Variants in CYRIB observed in about 807,000 individuals in gnomAD.
The protein encoded by CYRIB is CYFIP-related Rac1 interactor B.
Under a neutral mutation model 44.2 loss-of-function variants are expected in CYRIB, and 8 were observed. The observed-to-expected ratio is 0.18, with a 90% CI of 0.11 to 0.33. The LOEUF is 0.33. Among genes scored for constraint, CYRIB ranks in the 10% least tolerant of loss-of-function variants. CYRIB has a pLI of 1.00. For missense variants in CYRIB, 185 were observed against 382.8 expected (o/e 0.48, Z 4.31); for synonymous variants, 131 against 127.2 (o/e 1.03, Z -0.20).
At chr8:129,883,561 A>G (rs1018459863) in intron 2 of CYRIB, among the ~76,000 whole-genome samples, 2 of 152,206 alleles carry the variant, frequency 1.3e-5, no homozygotes, top group Non-Finnish European at 2.9e-5. Flanking sequence ...ACAAAAAATT[A>G]AAACCATAAC....
intron 1 of CYRIB, among the ~76,000 whole-genome samples, chr8:129,906,438 T>C (rs181714729): frequency 0.017 from 2,580 of 152,274 alleles, 65 homozygotes; most frequent in African/African-American, 0.054. Flanking sequence ...TTACACCTTA[T>C]ACAAAAATTA....
chr8:129,874,073 A>AT (rs1313957980), intron 3 of CYRIB, among the ~76,000 whole-genome samples: 1 of 151,910 alleles, frequency 6.6e-6, no homozygotes, highest in African/African-American at 2.4e-5. Flanking sequence ...TTTTTATTTT[A>AT]TTTTTTTCAA....
upstream of CYRIB, among the ~76,000 whole-genome samples, chr8:129,943,895 C>G (rs891959259): frequency 2.8e-5 from 4 of 143,394 alleles, no homozygotes; most frequent in African/African-American, 1.1e-4. Context: ...CACCGCGCCC[C>G]GCCGAGACTC....
At chr8:129,904,258 T>C (rs1459052518) in intron 1 of CYRIB, among the ~76,000 whole-genome samples, 1 of 152,200 alleles carries the variant, frequency 6.6e-6, no homozygotes, top group Non-Finnish European at 1.5e-5. Flanking sequence ...GTTCACTTTC[T>C]GCTCTGGGGC....
intron 1 of CYRIB, among the ~76,000 whole-genome samples, chr8:129,972,219 G>A (rs1275772367): frequency 2.0e-5 from 3 of 152,128 alleles, no homozygotes; most frequent in Admixed American, 6.6e-5. Context: ...TCTTTCTGTC[G>A]TTCTTCTTGC....
intron 1 of CYRIB, among the ~76,000 whole-genome samples, chr8:129,929,953 G>A (rs1222493295): frequency 6.6e-6 from 1 of 152,038 alleles, no homozygotes; most frequent in African/African-American, 2.4e-5. Flanking sequence ...TGGCTCATGC[G>A]TGCAATCCCA....
intron 2 of CYRIB, among the ~76,000 whole-genome samples, chr8:129,894,912 AAT>A (rs67382851): frequency 9.4e-5 from 14 of 148,220 alleles, no homozygotes; most frequent in Non-Finnish European, 1.0e-4. Flanking sequence ...GAGTGTTAGA[AAT>A]ATATATATAT....
chr8:130,015,739 G>A (rs2097327885), intron 1 of CYRIB, among the ~76,000 whole-genome samples: 1 of 152,214 alleles, frequency 6.6e-6, no homozygotes, highest in African/African-American at 2.4e-5. Flanking sequence ...GGCTGCAAGG[G>A]CACCCACCCG....
At chr8:129,903,262 T>C (rs576432614) in intron 2 of CYRIB, 50 bp downstream of exon 4, 1 of 152,754 alleles carries the variant, frequency 6.5e-6, no homozygotes, top group African/African-American at 2.4e-5. Context: ...ATTGAAATCA[T>C]AACTTTTCAT....
intron 2 of CYRIB, among the ~76,000 whole-genome samples, chr8:129,969,377 T>C (rs1412263083): frequency 1.3e-5 from 2 of 152,190 alleles, no homozygotes; most frequent in South Asian, 2.1e-4. Context: ...AAAATTCTTA[T>C]ATTTCCATCA....
intron 2 of CYRIB, among the ~76,000 whole-genome samples, chr8:129,957,836 G>T (rs2094948736): frequency 6.6e-6 from 1 of 151,806 alleles, no homozygotes; most frequent in South Asian, 2.1e-4. Flanking sequence ...ATAGTGGCGG[G>T]TGCCTATAGT....
intron 1 of CYRIB, among the ~76,000 whole-genome samples, chr8:130,005,231 G>A (rs928256478): frequency 1.1e-4 from 17 of 152,034 alleles, no homozygotes; most frequent in Non-Finnish European, 2.9e-5. Flanking sequence ...TTAGGTCTTG[G>A]GGGCACGTGT....
At chr8:129,964,735 T>C (rs1438487014) in intron 2 of CYRIB, among the ~76,000 whole-genome samples, 1 of 151,954 alleles carries the variant, frequency 6.6e-6, no homozygotes, top group African/African-American at 2.4e-5. Context: ...ATGAAAAAAG[T>C]GAGCCAGGCG....
intron 7 of CYRIB, among the ~76,000 whole-genome samples, 166 bp from the exon 10 acceptor site, chr8:129,852,444 A>G (rs1414593012): frequency 4.6e-5 from 7 of 152,236 alleles, no homozygotes. Context: ...TTTTAAAAAA[A>G]GATTAACCTC....
chr8:129,986,069 C>T (rs1057369735), intron 1 of CYRIB, among the ~76,000 whole-genome samples: 1 of 152,168 alleles, frequency 6.6e-6, no homozygotes, highest in Admixed American at 6.5e-5. Context: ...GAATTAGTGT[C>T]AGGGCACCAG....
intron 2 of CYRIB, among the ~76,000 whole-genome samples, chr8:129,951,601 G>A (rs953471117): frequency 2.6e-5 from 4 of 151,788 alleles, no homozygotes; most frequent in African/African-American, 7.3e-5. Context: ...AGCTACTTAG[G>A]AGGCTGAGGC....
At chr8:129,855,077 GAA>G (rs1286054275) in intron 6 of CYRIB, among the ~76,000 whole-genome samples, 1 of 152,084 alleles carries the variant, frequency 6.6e-6, no homozygotes, top group East Asian at 1.9e-4. Context: ...GGTGTGAGCA[GAA>G]AAGAAAAAGT....
At chr8:129,923,511 G>C (rs28380012) in intron 1 of CYRIB, among the ~76,000 whole-genome samples, 2,517 of 152,098 alleles carry the variant, frequency 0.017, 62 homozygotes, top group African/African-American at 0.053. Flanking sequence ...CTGGCCTCAG[G>C]TGATCCACCC....
chr8:129,928,156 A>G (rs2089101610), intron 1 of CYRIB, among the ~76,000 whole-genome samples: 1 of 151,982 alleles, frequency 6.6e-6, no homozygotes, highest in Non-Finnish European at 1.5e-5. Context: ...GACTCTACCA[A>G]GTGAAAATGC....
Sources: allele counts gnomAD v4.1 joint callset (sites outside exome capture counted in the v4.1 genomes callset), GRCh38; gene constraint gnomAD v4.1.1; transcripts MANE v1.5; gene names NCBI Gene and HGNC (gene_info 2026-07-23, HGNC 2026-07-21).